MEP1A: variants seen among roughly 807,000 people sequenced by gnomAD.
MEP1A encodes the protein meprin A subunit alpha, also known as N-benzoyl-L-tyrosyl-P-amino-benzoic acid hydrolase subunit alpha.
Under a neutral mutation model 84.5 loss-of-function variants are expected in MEP1A, and 68 were observed. The observed-to-expected ratio is 0.80, with a 90% CI of 0.66 to 0.98. The LOEUF is 0.98. Ranked by LOEUF, MEP1A falls within the 50% of genes least tolerant of loss-of-function variation. The probability of loss-of-function intolerance (pLI) is 0.00; values close to 1 mark genes in which losing one functional copy is unlikely to be tolerated. For missense variants in MEP1A, 887 were observed against 919.9 expected (o/e 0.96, Z 0.46); for synonymous variants, 337 against 336.8 (o/e 1.00, Z -0.01).
At position 46,798,705 on chromosome 6, in the gene MEP1A, A is replaced by G. The variant is rs1243030299; in HGVS notation, c.186+59A>G. 4.2e-6 allele frequency: 6 copies of G among 1,443,208 alleles called. No individual in the cohort carries two copies. In the African/African-American group the frequency reaches 7.0e-5, roughly 17 times the overall value. 89.4% of individuals were successfully genotyped at this position (1,443,208 alleles called of 1,614,324 possible). A position where few individuals can be genotyped will look rare whatever the true frequency, so the allele number is the denominator to read the frequency against. On this transcript the variant is annotated intron_variant, in intron 4 of 13. Coordinates refer to ENST00000230588, the MANE Select transcript of MEP1A (RefSeq NM_005588.3). ...AGGACAGGCAGTACCACTGGGTGTG[A>G]GTCTCTGCTCTGCGGCCAGCCCTGG...
intron 13 of MEP1A, among the ~76,000 whole-genome samples, chr6:46,835,903 AATCTTT>A (rs1213492870): frequency 6.6e-6 from 1 of 152,166 alleles, no homozygotes; most frequent in Non-Finnish European, 1.5e-5. Flanking sequence ...ACCAAGCTTA[AATCTTT>A]GCTGACTACA....
intron 10 of MEP1A, among the ~76,000 whole-genome samples, chr6:46,830,116 C>A (rs137962965): frequency 6.6e-6 from 1 of 151,478 alleles, no homozygotes; most frequent in African/African-American, 2.4e-5. Context: ...GGCATGGTGG[C>A]GCGCGCGCAT....
chr6:46,797,792 C>CTCTTCCTT (rs1767080905), intron 3 of MEP1A, among the ~76,000 whole-genome samples: 1 of 136,690 alleles, frequency 7.3e-6, no homozygotes, highest in Non-Finnish European at 1.5e-5. Context: ...TTCTTTCTTT[C>CTCTTCCTT]TCTTTCTTTC....
chr6:46,829,313 T>C (rs545259697), intron 9 of MEP1A, 43 bp from the exon 10 acceptor site: 11 of 1,537,416 alleles, frequency 7.2e-6, no homozygotes, highest in South Asian at 1.1e-5. Context: ...AACCCTGGGG[T>C]GTGGGAAGCC....
At chr6:46,834,101 C>T (rs1016455395) in intron 11 of MEP1A, among the ~76,000 whole-genome samples, 48 of 152,018 alleles carry the variant, frequency 3.2e-4, no homozygotes, top group African/African-American at 1.1e-3. Context: ...CTCAGACTCC[C>T]GAGTAGAGAT....
intron 6 of MEP1A, among the ~76,000 whole-genome samples, chr6:46,817,110 T>C (rs547814642): frequency 2.0e-5 from 3 of 152,138 alleles, no homozygotes; most frequent in East Asian, 3.9e-4. Flanking sequence ...GCAGGTGATA[T>C]AAAGAAGAGG....
intron 6 of MEP1A, among the ~76,000 whole-genome samples, chr6:46,810,342 G>A (rs545324570): frequency 3.3e-5 from 5 of 151,562 alleles, no homozygotes; most frequent in Admixed American, 6.6e-5. Context: ...AATTTGTTTG[G>A]GTTATTTGTA....
At chr6:46,813,243 A>G (rs1047614693) in intron 6 of MEP1A, among the ~76,000 whole-genome samples, 1 of 152,160 alleles carries the variant, frequency 6.6e-6, no homozygotes, top group Non-Finnish European at 1.5e-5. Flanking sequence ...AAAACCATGC[A>G]AATACGTGGA....
intron 7 of MEP1A, among the ~76,000 whole-genome samples, chr6:46,821,983 T>C (rs1169025705): frequency 6.6e-6 from 1 of 152,216 alleles, no homozygotes; most frequent in Non-Finnish European, 1.5e-5. Flanking sequence ...ACAAGCTTTC[T>C]GTTTAACTTA....
At chr6:46,806,907 A>G (rs189072713) in intron 5 of MEP1A, among the ~76,000 whole-genome samples, 3 of 152,114 alleles carry the variant, frequency 2.0e-5, no homozygotes, top group African/African-American at 7.2e-5. Context: ...ATCTTACCCA[A>G]TGAAATTTTC....
chr6:46,845,430 G>C, the MEP1A span, among the ~76,000 whole-genome samples: 10 of 152,166 alleles, frequency 6.6e-5, no homozygotes, highest in African/African-American at 2.2e-4. Context: ...CACCAGTCTT[G>C]GGCTGCTTAT....
At chr6:46,810,774 TGTAA>T (rs1767478710) in intron 6 of MEP1A, among the ~76,000 whole-genome samples, 1 of 152,148 alleles carries the variant, frequency 6.6e-6, no homozygotes, top group Non-Finnish European at 1.5e-5. Flanking sequence ...ATCAGTTGGC[TGTAA>T]GTATTTGAGT....
chr6:46,833,519 GA>G lies in MEP1A; in HGVS notation c.1592del (p.Lys531SerfsTer8). On this transcript the variant is annotated frameshift_variant, in exon 11 of 14. Transcript: ENST00000230588. LOFTEE classifies it high-confidence loss of function. Reference protein sequence around the residue: ...MSSSMVFTTSKSHTSPAINDT... With the variant: ...MSSSMVFTTSXSHTSPAINDT... Reference sequence around the variant, plus strand: ...CCTCAAGCATGGTGTTCACTACCTCGAAGTCGCACACATCTCCAGGTGGGTG... The same window carrying G: ...CCTCAAGCATGGTGTTCACTACCTCGAGTCGCACACATCTCCAGGTGGGTG... 1 of 1,613,812 alleles carries G rather than the reference GA, an allele frequency of 6.2e-7. No homozygotes were observed. The highest frequency in any genetic ancestry group is 8.5e-7 in the Non-Finnish European group (1 of 1,179,852).
At chr6:46,793,602 G>A in intron 2 of MEP1A, 26 bp downstream of exon 2, 2 of 1,560,346 alleles carry the variant, frequency 1.3e-6, no homozygotes, top group Non-Finnish European at 1.8e-6. Flanking sequence ...AATGCACAGA[G>A]AGTGTTTTTG....
chr6:46,804,578 A>G (rs548549560), intron 5 of MEP1A, among the ~76,000 whole-genome samples: 12 of 151,850 alleles, frequency 7.9e-5, no homozygotes, highest in African/African-American at 2.9e-4. Context: ...CCAGTCACCT[A>G]AGTATGCATG....
intron 7 of MEP1A, among the ~76,000 whole-genome samples, chr6:46,820,857 G>T (rs1767755859): frequency 6.6e-6 from 1 of 152,080 alleles, no homozygotes; most frequent in East Asian, 1.9e-4. Flanking sequence ...CAAAAACATT[G>T]TTTTTGGCAG....
intron 3 of MEP1A, among the ~76,000 whole-genome samples, chr6:46,795,846 A>G (rs576737137): frequency 2.2e-4 from 33 of 152,284 alleles, no homozygotes; most frequent in South Asian, 6.2e-4. Flanking sequence ...TAAAGGCCCT[A>G]GAGCCTTGAT....
chr6:46,844,911 C>T, the MEP1A span, among the ~76,000 whole-genome samples: 3 of 142,778 alleles, frequency 2.1e-5, no homozygotes, highest in Non-Finnish European at 4.7e-5. Flanking sequence ...GTGGTTTCCC[C>T]CATGCTGTTC....
At chr6:46,829,979 C>G (rs1025376147) in intron 10 of MEP1A, among the ~76,000 whole-genome samples, 10 of 152,030 alleles carry the variant, frequency 6.6e-5, no homozygotes, top group African/African-American at 2.2e-4. Flanking sequence ...AGTTGACCAG[C>G]TCACGCCTGG....
Sources: allele counts gnomAD v4.1 joint callset (sites outside exome capture counted in the v4.1 genomes callset), GRCh38; gene constraint gnomAD v4.1.1; transcripts MANE v1.5; gene names NCBI Gene and HGNC (gene_info 2026-07-23, HGNC 2026-07-21).